OTUD6B: variants seen among roughly 807,000 people sequenced by gnomAD.
The protein encoded by OTUD6B is OTU deubiquitinase 6B, also known as deubiquitinase OTUD6B.
OTUD6B carries 41 observed loss-of-function variants against 36.9 expected under a neutral mutation model. The ratio of observed to expected loss-of-function variants is 1.11; its 90% CI spans 0.87 to 1.44. The LOEUF (loss-of-function observed/expected upper bound fraction) is 1.44. Ranked by LOEUF, OTUD6B falls within the 40% of genes most tolerant of loss-of-function variation. OTUD6B has a pLI of 0.00. For synonymous variants in OTUD6B, 114 were observed against 114.2 expected, an observed-to-expected ratio of 1.00 and a Z score of 0.01; for missense variants, 356 against 344.8, an observed-to-expected ratio of 1.03 and a Z score of -0.26.
intron 3 of OTUD6B, among the ~76,000 whole-genome samples, chr8:91,076,983 A>G (rs1812814338): frequency 6.6e-6 from 1 of 152,102 alleles, no homozygotes; most frequent in South Asian, 2.1e-4. Flanking sequence ...CAAGTAGTAC[A>G]GGTACATGAC....
Position 91,070,360 on chromosome 8 carries a change from G to GC in OTUD6B, c.-24dup, listed in dbSNP as rs1233610079. 1.2e-6 allele frequency: 2 copies of GC among 1,612,600 alleles called. No homozygotes were observed. The highest frequency in any genetic ancestry group is 1.7e-6 in the Non-Finnish European group (2 of 1,179,316). On this transcript the variant is annotated 5_prime_UTR_variant, in exon 1 of 7. Transcript: ENST00000404789. Reference sequence around the variant, plus strand: ...CTAGCCGGTGCAGGTTTCTTCTAGCGCGTGTGCTGGGGTACCTGGTCGTCA... The same window carrying GC: ...CTAGCCGGTGCAGGTTTCTTCTAGCGCCGTGTGCTGGGGTACCTGGTCGTCA...
intron 5 of OTUD6B, 23 bp downstream of exon 5, chr8:91,080,753 T>C: frequency 1.3e-6 from 2 of 1,544,258 alleles, no homozygotes; most frequent in Non-Finnish European, 1.8e-6. Context: ...TTATTCATAG[T>C]GATTGTGGGT....
At chr8:91,071,524 A>G (rs1812699023) in intron 2 of OTUD6B, among the ~76,000 whole-genome samples, 1 of 151,922 alleles carries the variant, frequency 6.6e-6, no homozygotes, top group Non-Finnish European at 1.5e-5. Flanking sequence ...AATTTTTTGT[A>G]TTTTTAGTAG....
chr8:91,079,686 A>G (rs1213228746), intron 4 of OTUD6B, among the ~76,000 whole-genome samples: 1 of 151,614 alleles, frequency 6.6e-6, no homozygotes, highest in Non-Finnish European at 1.5e-5. Flanking sequence ...TGCATAGGCA[A>G]TGTGATAAAT....
At chr8:91,070,575 A>T in intron 1 of OTUD6B, 109 bp downstream of exon 1, 2 of 1,044,484 alleles carry the variant, frequency 1.9e-6, no homozygotes, top group Non-Finnish European at 2.8e-6. Flanking sequence ...ATCACCCTAG[A>T]CTTCCCCTAG....
At chr8:91,076,654 A>G in intron 3 of OTUD6B, 2 of 1,511,296 alleles carry the variant, frequency 1.3e-6, no homozygotes, top group Non-Finnish European at 8.9e-7. Flanking sequence ...TACCAGCTGT[A>G]TGGCCTTTGG....
chr8:91,078,179 G>A, intron 3 of OTUD6B, 177 bp from the exon 4 acceptor site: 1 of 828,648 alleles, frequency 1.2e-6, no homozygotes, highest in Non-Finnish European at 1.5e-6. Context: ...AGATGAGTAA[G>A]AGAGTAAGGA....
intron 2 of OTUD6B, 66 bp downstream of exon 2, chr8:91,071,355 G>A: frequency 7.2e-6 from 8 of 1,105,988 alleles, no homozygotes; most frequent in Non-Finnish European, 6.3e-6. Flanking sequence ...TCTGTTAAAT[G>A]TTAAACTGCT....
chr8:91,078,583 TCAGA>T lies in OTUD6B; in HGVS notation c.545_548del (p.Gln182ProfsTer16). 6.2e-7 allele frequency: 1 copy of T among 1,605,446 alleles called. No homozygotes were observed. Among genetic ancestry groups the T allele is most frequent in the Non-Finnish European group, 8.5e-7 (1 of 1,175,432 alleles). On this transcript the variant is annotated frameshift_variant, in exon 4 of 7. Transcript: ENST00000404789. LOFTEE classifies it high-confidence loss of function. ...CTCTGACTGTGGTTGCCTTGAGAAG[TCAGA>T]CCGCTGAGTATATGCAAAGCCATGT...
rs1406359269 is a variant in OTUD6B, at chr8:91,078,460, A to C, written c.420A>C (p.Gln140His). ...ARHMESEKLA[Q>H]ILAARQLEIK... ...ATATGGAAAGTGAGAAACTTGCTCAAATATTGGCAGCTAGACAGTTAGAAA... is the reference window on the plus strand; with the variant it reads ...ATATGGAAAGTGAGAAACTTGCTCACATATTGGCAGCTAGACAGTTAGAAA... The change falls in exon 4 of 7, where the codon CAA becomes CAC. Residue 140 changes from glutamine to histidine, a missense_variant. Transcript: ENST00000404789. 4 of 1,605,480 alleles carry C rather than the reference A, an allele frequency of 2.5e-6. No individual in the cohort carries two copies. The highest frequency in any genetic ancestry group is 2.6e-6 in the Non-Finnish European group (3 of 1,175,550).
Position 91,078,368 on chromosome 8 carries a change from G to A in OTUD6B, c.328G>A (p.Ala110Thr), listed in dbSNP as rs377192873. The A allele has an allele frequency of 2.5e-5, 39 of 1,572,292 alleles. No homozygotes were observed. The African/African-American group carries it at 5.0e-4, about 20-fold the overall frequency. The change falls in exon 4 of 7, where the codon GCA (alanine) becomes ACA (threonine). Residue 110 changes from alanine (A) to threonine (T), a missense_variant. Ala to Thr is a moderately conservative substitution (Grantham distance 58). Coordinates refer to ENST00000404789, the MANE Select transcript of OTUD6B (RefSeq NM_016023.5). The part of the protein sequence containing the change: ...KAQKRREKKA[A>T]LEKEREERIA... The stretch of plus-strand genomic sequence containing the variant: ...CTGCTTTTCTTAGGAAAAGAAAGCT[G>A]CATTGGAAAAGGAGCGAGAAGAACG...
rs1563584212 is a variant in OTUD6B at position 91,084,093 on chromosome 8, C to G, written c.776C>G (p.Ser259Ter). The G allele has an allele frequency of 6.5e-7, 1 of 1,546,196 alleles. No individual in the cohort carries two copies. Among genetic ancestry groups the G allele is most frequent in the Admixed American group, 1.9e-5 (1 of 51,632 alleles). ...CCCATTATAGTTGGTGAAGAATATT[C>G]AAAAAAACCACTAATACTTGTGTAA... Reference protein sequence around the residue: ...SPPIIVGEEYSKKPLILVYMR... With the variant: ...SPPIIVGEEY The change falls in exon 6 of 7, where the codon TCA becomes TGA. Residue 259 changes from serine to a stop codon, truncating the protein, a stop_gained. Transcript: ENST00000404789. LOFTEE classifies it high-confidence loss of function.
At chr8:91,073,166 T>A (rs1812730466) in intron 2 of OTUD6B, among the ~76,000 whole-genome samples, 1 of 152,198 alleles carries the variant, frequency 6.6e-6, no homozygotes, top group African/African-American at 2.4e-5. Flanking sequence ...GTTCTATGCA[T>A]GTGTTATACT....
At chr8:91,071,315 G>A in intron 2 of OTUD6B, 26 bp downstream of exon 2, 1 of 1,568,134 alleles carries the variant, frequency 6.4e-7, no homozygotes, top group East Asian at 2.3e-5. Context: ...GTTTGTCGTT[G>A]CCTACACCAT....
At chr8:91,073,419 T>C (rs897591331) in intron 2 of OTUD6B, among the ~76,000 whole-genome samples, 1 of 152,212 alleles carries the variant, frequency 6.6e-6, no homozygotes, top group Admixed American at 6.5e-5. Context: ...CATCAGGTTC[T>C]GGCTAATTAA....
At chr8:91,076,807 T>TA in intron 3 of OTUD6B, 1 of 702,440 alleles carries the variant, frequency 1.4e-6, no homozygotes, top group Non-Finnish European at 2.6e-6. Context: ...TGTTTTAAGA[T>TA]ATTATGCCTC....
At chr8:91,070,616 C>T (rs1347208971) in intron 1 of OTUD6B, 150 bp downstream of exon 1, 18 of 730,830 alleles carry the variant, frequency 2.5e-5, no homozygotes, top group Non-Finnish European at 3.1e-5. Context: ...CTTCACCTAC[C>T]CCGGCGGCCC....
chr8:91,074,280 T>G (rs1812761051), intron 3 of OTUD6B, among the ~76,000 whole-genome samples: 1 of 152,014 alleles, frequency 6.6e-6, no homozygotes, highest in Non-Finnish European at 1.5e-5. Flanking sequence ...ATCCCAGACT[T>G]AAAAATTCAG....
At chr8:91,074,250 G>GT (rs892482854) in intron 3 of OTUD6B, among the ~76,000 whole-genome samples, 4 of 151,880 alleles carry the variant, frequency 2.6e-5, no homozygotes, top group Non-Finnish European at 4.4e-5. Context: ...GTGCAAAGTA[G>GT]TTTTTTTTAC....
Sources: gnomAD v4.1 joint callset for allele counts (sites outside exome capture counted in the v4.1 genomes callset) on GRCh38, gnomAD v4.1.1 for gene constraint, MANE v1.5 for transcripts, NCBI Gene and HGNC (gene_info 2026-07-23, HGNC 2026-07-21) for gene names.